Variants in HTRA1 observed in about 807,000 individuals in gnomAD.
HTRA1 encodes serine protease HTRA1.
HTRA1 carries 26 observed loss-of-function variants against 49.7 expected under a neutral mutation model. The ratio of observed to expected loss-of-function variants is 0.52; its 90% CI spans 0.38 to 0.73. The LOEUF is 0.73. Among genes scored for constraint, HTRA1 ranks in the 30% least tolerant of loss-of-function variants. HTRA1 has a pLI of 0.00. For synonymous variants in HTRA1, 291 were observed against 286.9 expected (o/e 1.01, Z -0.14); for missense variants, 561 against 667.2 (o/e 0.84, Z 1.75).
intron 1 of HTRA1, among the ~76,000 whole-genome samples, chr10:122,477,775 G>T (rs1375485941): frequency 2.6e-5 from 4 of 151,916 alleles, no homozygotes; most frequent in Admixed American, 2.0e-4. Flanking sequence ...GTCCTTTCAT[G>T]GTCGAGAGGT....
At chr10:122,502,478 G>A (rs529447666) in intron 3 of HTRA1, among the ~76,000 whole-genome samples, 1 of 152,288 alleles carries the variant, frequency 6.6e-6, no homozygotes, top group East Asian at 1.9e-4. Context: ...CCATGGCCAG[G>A]ACTCTGACAC....
chr10:122,470,206 T>C (rs535522617), intron 1 of HTRA1, among the ~76,000 whole-genome samples: 7 of 152,230 alleles, frequency 4.6e-5, no homozygotes, highest in Non-Finnish European at 8.8e-5. Context: ...AAACACTGAA[T>C]TGCGGTCTCC....
At chr10:122,463,515 T>A (rs2097482503) in intron 1 of HTRA1, among the ~76,000 whole-genome samples, 1 of 152,132 alleles carries the variant, frequency 6.6e-6, no homozygotes, top group South Asian at 2.1e-4. Context: ...TCTTTTTTTT[T>A]CTTAAGAGAC....
chr10:122,478,140 G>C (rs2097489453), intron 1 of HTRA1, among the ~76,000 whole-genome samples: 1 of 152,184 alleles, frequency 6.6e-6, no homozygotes, highest in Non-Finnish European at 1.5e-5. Flanking sequence ...CTTTAAAGTA[G>C]GAATACCTTT....
chr10:122,502,476 A>G (rs1591038259), intron 3 of HTRA1, among the ~76,000 whole-genome samples: 1 of 152,192 alleles, frequency 6.6e-6, no homozygotes, highest in South Asian at 2.1e-4. Flanking sequence ...GCCCATGGCC[A>G]GGACTCTGAC....
chr10:122,495,663 C>T (rs1009432901), intron 3 of HTRA1, among the ~76,000 whole-genome samples: 1 of 152,138 alleles, frequency 6.6e-6, no homozygotes, highest in Non-Finnish European at 1.5e-5. Context: ...TATGGTAATG[C>T]CTTTTTTCAC....
At position 122,462,108 on chromosome 10, in the gene HTRA1, C is replaced by A. The variant is rs747605223; in HGVS notation, c.456C>A (p.Arg152=). ...GGCCGCCGGTCATCGTCCTGCAGCG[C>A]GGAGCCTGCGGCCAAGGTACTCCGC... ...LHRPPVIVLQ[R]GACGQGQEDP... is the part of the protein sequence containing the mutation. The change falls in exon 1 of 9, where the codon CGC becomes CGA. Residue 152 remains arginine (R), a synonymous_variant. Coordinates refer to ENST00000368984, the MANE Select transcript of HTRA1 (RefSeq NM_002775.5). 1 of 1,533,452 alleles carries A rather than the reference C, an allele frequency of 6.5e-7. No homozygotes were observed. The highest frequency in any genetic ancestry group is 2.0e-5 in the Admixed American group (1 of 50,988). The allele number at this position is 1,533,452 out of a possible 1,614,324, so 95.0% of individuals were successfully genotyped here. A position where few individuals can be genotyped will look rare whatever the true frequency, so the allele number is the denominator to read the frequency against.
chr10:122,467,182 A>G (rs997343271), intron 1 of HTRA1, among the ~76,000 whole-genome samples: 2 of 152,232 alleles, frequency 1.3e-5, no homozygotes, highest in Admixed American at 6.5e-5. Flanking sequence ...CCATGAGCTT[A>G]TATTTCAAGT....
chr10:122,461,564 C>A lies in HTRA1; in HGVS notation c.-89C>A. The A allele has an allele frequency of 1.3e-6, 1 of 743,326 alleles. No individual in the cohort carries two copies. The allele number at this position is 743,326 out of a possible 1,614,324, so 46.0% of individuals were successfully genotyped here. The stretch of plus-strand genomic sequence containing the variant: ...GCGCGGCCGCGCGCACTCGCACCCG[C>A]TGCCCCCGAGGCCCTCCTGCACTCT... On this transcript the variant is annotated 5_prime_UTR_variant, in exon 1 of 9. In the 5' UTR this introduces an upstream ATG that the reference lacks. Coordinates refer to ENST00000368984, the MANE Select transcript of HTRA1 (RefSeq NM_002775.5).
At chr10:122,486,507 C>T (rs74437586) in intron 1 of HTRA1, among the ~76,000 whole-genome samples, 20 of 152,278 alleles carry the variant, frequency 1.3e-4, no homozygotes, top group East Asian at 5.8e-4. Context: ...TTCACAGAAG[C>T]GCTCTCACTT....
chr10:122,472,132 T>C (rs1210789123), intron 1 of HTRA1, among the ~76,000 whole-genome samples: 1 of 152,082 alleles, frequency 6.6e-6, no homozygotes, highest in Non-Finnish European at 1.5e-5. Flanking sequence ...TCAGCTGTGG[T>C]TAGATTTTCT....
rs1565427091 is a variant in HTRA1, at chr10:122,496,224, G to GTTTTTTTTTT, written c.777+6598_777+6599insTTTTTTTTTT. Among the ~76,000 whole-genome samples the GTTTTTTTTTT allele has an allele frequency of 2.9e-3, 93 of 32,090 alleles. 2 individuals are homozygous for GTTTTTTTTTT. The highest frequency in any genetic ancestry group is 8.5e-3 in the East Asian group (14 of 1,646). 21.1% of individuals were successfully genotyped at this position (32,090 alleles called of 152,430 possible). A position where few individuals can be genotyped will look rare whatever the true frequency, so the allele number is the denominator to read the frequency against. ...GCCCTTTCGTTTGCCAGAGATTGTGGGTTCTTTTTTTTTTTTTTTTTTTTT... is the reference window on the plus strand; with the variant it reads ...GCCCTTTCGTTTGCCAGAGATTGTGGTTTTTTTTTTGTTCTTTTTTTTTTTTTTTTTTTTT... On this transcript the variant is annotated intron_variant, in intron 3 of 8. Coordinates refer to ENST00000368984, the MANE Select transcript of HTRA1 (RefSeq NM_002775.5).
rs932332908 is a variant in HTRA1 at position 122,490,866 on chromosome 10, C to T, written c.777+1240C>T. On this transcript the variant is annotated intron_variant, in intron 3 of 8. Transcript: ENST00000368984. This position sits in a 1 kb window ranked among gnomAD's most constrained non-coding sequence, Gnocchi z 4.2. ...TTGCTGCCCAGCTCAGGCTCCTTTA[C>T]GGCCAGTCTTCAGAAAACCACCAGC... 1.2e-4 allele frequency among the ~76,000 whole-genome samples: 18 copies of T among 152,152 alleles called. No homozygotes were observed. The highest frequency in any genetic ancestry group is 7.2e-4 in the Admixed American group (11 of 15,274).
intron 1 of HTRA1, among the ~76,000 whole-genome samples, chr10:122,466,155 G>A (rs571344351): frequency 4.6e-5 from 7 of 152,254 alleles, no homozygotes; most frequent in South Asian, 2.1e-4. Context: ...TGGAGCCCTG[G>A]AATGTTTGTA....
At chr10:122,495,539 G>A (rs1326779349) in intron 3 of HTRA1, among the ~76,000 whole-genome samples, 1 of 152,138 alleles carries the variant, frequency 6.6e-6, no homozygotes, top group Non-Finnish European at 1.5e-5. Flanking sequence ...TCTGGCTTGG[G>A]AAACGTTTCA....
At chr10:122,475,588 G>A (rs755281943) in intron 1 of HTRA1, among the ~76,000 whole-genome samples, 6 of 152,266 alleles carry the variant, frequency 3.9e-5, no homozygotes, top group Admixed American at 6.5e-5. Context: ...GCCGTTGGCC[G>A]TGTCTTTCCT....
chr10:122,478,264 T>G, intron 1 of HTRA1, among the ~76,000 whole-genome samples: 1 of 151,978 alleles, frequency 6.6e-6, no homozygotes, highest in East Asian at 1.9e-4. Flanking sequence ...TTGCCTGGGC[T>G]GCACAGCTTG....
At chr10:122,508,829 C>A in intron 6 of HTRA1, 59 bp downstream of exon 6, 1 of 1,029,116 alleles carries the variant, frequency 9.7e-7, no homozygotes, top group Non-Finnish European at 1.5e-6. Context: ...GCTCAGCTGC[C>A]CTTTGGGACT....
intron 1 of HTRA1, among the ~76,000 whole-genome samples, chr10:122,480,456 G>T (rs2097490511): frequency 6.6e-6 from 1 of 152,156 alleles, no homozygotes; most frequent in Admixed American, 6.5e-5. Context: ...TGGGTTAGTT[G>T]CTGGCCAGTG....
Sources: allele counts gnomAD v4.1 joint callset (sites outside exome capture counted in the v4.1 genomes callset), GRCh38; gene constraint gnomAD v4.1.1; non-coding constraint Gnocchi (gnomAD v3.1); transcripts MANE v1.5; gene names NCBI Gene and HGNC (gene_info 2026-07-23, HGNC 2026-07-21).